The following DRG1 variants were observed in gnomAD, a reference collection of about 807,000 sequenced individuals.
The protein encoded by DRG1 is developmentally-regulated GTP-binding protein 1.
In DRG1, 19 loss-of-function variants were observed where a neutral mutation model predicts 38.8. The observed-to-expected ratio is 0.49, with a 90% confidence interval of 0.34 to 0.72. The LOEUF is 0.72. DRG1 is among the 30% of genes least tolerant of loss of function. The pLI is 0.01. For synonymous variants in DRG1, 167 were observed against 157.5 expected, an observed-to-expected ratio of 1.06 and a Z score of -0.45; for missense variants, 299 against 444.8, an observed-to-expected ratio of 0.67 and a Z score of 2.95.
intron 6 of DRG1, among the ~76,000 whole-genome samples, chr22:31,425,205 TTTACA>T (rs2050103179): frequency 3.3e-5 from 5 of 152,266 alleles, no homozygotes; most frequent in Admixed American, 6.5e-5. Flanking sequence ...GTTTTTTTCT[TTTACA>T]GCCTCTTCCT....
intron 4 of DRG1, among the ~76,000 whole-genome samples, chr22:31,412,977 T>C (rs1174492737): frequency 6.6e-6 from 1 of 152,102 alleles, no homozygotes; most frequent in African/African-American, 2.4e-5. Context: ...TGATGACTCA[T>C]ATCTTTCATT....
At chr22:31,426,831 G>A (rs756411825) in intron 7 of DRG1, 49 bp downstream of exon 7, 3 of 1,574,032 alleles carry the variant, frequency 1.9e-6, no homozygotes, top group Non-Finnish European at 1.7e-6. Context: ...TAACCAGACT[G>A]TCCTAAAATG....
chr22:31,406,617 G>C lies in DRG1; in HGVS notation c.342+3413G>C, dbSNP rs2049991266. On this transcript the variant is annotated intron_variant, in intron 3 of 8. Transcript: ENST00000331457. ...TTGAACCTGGGAGGCAGATGTTGCA[G>C]TGAGCCGAGATCGTGTTACTGCACT... Among the ~76,000 whole-genome samples the C allele has an allele frequency of 2.0e-5, 3 of 151,644 alleles. No homozygotes were observed. In the South Asian group the frequency reaches 6.2e-4, roughly 31 times the overall value.
At chr22:31,417,679 C>CA (rs1346411332) in intron 4 of DRG1, among the ~76,000 whole-genome samples, 7 of 150,132 alleles carry the variant, frequency 4.7e-5, no homozygotes, top group Non-Finnish European at 7.4e-5. Context: ...GACTCCATCT[C>CA]AAAAAAATAA....
At chr22:31,400,875 G>C in intron 2 of DRG1, 132 bp downstream of exon 2, 1 of 1,071,388 alleles carries the variant, frequency 9.3e-7, no homozygotes. Flanking sequence ...CATGCTGGGA[G>C]GCTGAGATAG....
Position 31,415,372 on chromosome 22 carries a change from G to A in DRG1, c.412+4291G>A, listed in dbSNP as rs182110889. Among the ~76,000 whole-genome samples, 6 of 152,226 alleles carry A rather than the reference G, an allele frequency of 3.9e-5. No homozygotes were observed. The East Asian group carries it at 9.7e-4, about 24-fold the overall frequency. ...ACTTTTATTGGATACCACTGCTCTC[G>A]ATATTAATTCCTTGTCATCTTTAGA... On this transcript the variant is annotated intron_variant, in intron 4 of 8. Coordinates refer to ENST00000331457, the MANE Select transcript of DRG1 (RefSeq NM_004147.4).
Position 31,434,204 on chromosome 22 carries a change from A to G in DRG1, c.*233A>G, listed in dbSNP as rs1274742127. 4.1e-6 allele frequency: 2 copies of G among 484,636 alleles called. No individual in the cohort carries two copies. The highest frequency in any genetic ancestry group is 3.8e-5 in the East Asian group (1 of 26,080). 30.0% of individuals were successfully genotyped at this position (484,636 alleles called of 1,614,324 possible). A position where few individuals can be genotyped will look rare whatever the true frequency, so the allele number is the denominator to read the frequency against. ...TACATGCAGCTCATGTGTCATTGTC[A>G]GAATTTGTTTTGGGATGGGCTGAAT... On this transcript the variant is annotated 3_prime_UTR_variant, in exon 9 of 9. Coordinates refer to ENST00000331457, the MANE Select transcript of DRG1 (RefSeq NM_004147.4).
chr22:31,402,551 C>T (rs2049969006), intron 2 of DRG1, among the ~76,000 whole-genome samples: 2 of 148,804 alleles, frequency 1.3e-5, no homozygotes, highest in South Asian at 2.1e-4. Context: ...CTCTGTTGCC[C>T]AGGCTGGAGT....
chr22:31,408,752 CAAAAA>C lies in DRG1; in HGVS notation c.343-2241_343-2237del, dbSNP rs66474618. Among the ~76,000 whole-genome samples, 180 of 111,410 alleles carry C rather than the reference CAAAAA, an allele frequency of 1.6e-3. 1 individual carries two copies. The highest frequency in any genetic ancestry group is 2.0e-3 in the Non-Finnish European group (114 of 57,154). 73.1% of individuals were successfully genotyped at this position (111,410 alleles called of 152,430 possible). On this transcript the variant is annotated intron_variant, in intron 3 of 8. Transcript: ENST00000331457. ...TGGGCGATAGAGCGAGACTCATTCT[CAAAAA>C]AAAAAAAAAAAAAAAAAAGATATTT...
At chr22:31,413,942 A>G (rs996482646) in intron 4 of DRG1, among the ~76,000 whole-genome samples, 1 of 151,996 alleles carries the variant, frequency 6.6e-6, no homozygotes, top group African/African-American at 2.4e-5. Context: ...ACAAGAACAC[A>G]TATGACTTCC....
chr22:31,434,048 C>T lies in DRG1; in HGVS notation c.*77C>T, dbSNP rs1054039. The T allele has an allele frequency of 3.6e-6, 5 of 1,400,156 alleles. No individual in the cohort carries two copies. Among genetic ancestry groups the T allele is most frequent in the Non-Finnish European group, 5.0e-6 (5 of 1,005,654 alleles). The allele number at this position is 1,400,156 out of a possible 1,614,324, so 86.7% of individuals were successfully genotyped here. On this transcript the variant is annotated 3_prime_UTR_variant, in exon 9 of 9. Coordinates refer to ENST00000331457, the MANE Select transcript of DRG1 (RefSeq NM_004147.4). ...ATCAAGCACCCTACCCCAGTTCTTT[C>T]TGGTTTTGGCAGTCACTGGATCAGG... is the stretch of plus-strand genomic sequence containing the variant.
chr22:31,405,835 C>A (rs2049987084), intron 3 of DRG1, among the ~76,000 whole-genome samples: 1 of 151,224 alleles, frequency 6.6e-6, no homozygotes, highest in Non-Finnish European at 1.5e-5. Flanking sequence ...ATTACAGGTG[C>A]CCACCACTAT....
intron 4 of DRG1, among the ~76,000 whole-genome samples, chr22:31,413,776 G>C (rs1304136780): frequency 6.6e-6 from 1 of 151,822 alleles, no homozygotes; most frequent in Non-Finnish European, 1.5e-5. Flanking sequence ...ACCACGCCTG[G>C]CTAAGTTTTG....
intron 4 of DRG1, among the ~76,000 whole-genome samples, chr22:31,416,475 C>T (rs1407965556): frequency 6.6e-6 from 1 of 152,066 alleles, no homozygotes; most frequent in African/African-American, 2.4e-5. Context: ...ACTGGCCGTC[C>T]GGGTGTGGTG....
chr22:31,406,954 A>G (rs1444492850), intron 3 of DRG1, among the ~76,000 whole-genome samples: 3 of 152,082 alleles, frequency 2.0e-5, no homozygotes, highest in Non-Finnish European at 4.4e-5. Context: ...TCTCTGTCTT[A>G]TCTTTTGTGA....
At chr22:31,430,092 C>T (rs2050130908) in intron 8 of DRG1, among the ~76,000 whole-genome samples, 1 of 152,132 alleles carries the variant, frequency 6.6e-6, no homozygotes, top group South Asian at 2.1e-4. Context: ...CTTAGATGTT[C>T]CCAAATGACA....
intron 4 of DRG1, among the ~76,000 whole-genome samples, chr22:31,417,264 G>A (rs939096407): frequency 1.1e-4 from 17 of 151,078 alleles, no homozygotes; most frequent in Non-Finnish European, 2.4e-4. Context: ...CAAGCTGCTC[G>A]GGAGGCTGAG....
intron 4 of DRG1, among the ~76,000 whole-genome samples, chr22:31,418,753 CT>C (rs1400603153): frequency 6.6e-6 from 1 of 152,132 alleles, no homozygotes; most frequent in African/African-American, 2.4e-5. Flanking sequence ...GCAATCTCAG[CT>C]CACTGCAATC....
intron 4 of DRG1, among the ~76,000 whole-genome samples, 200 bp downstream of exon 4, chr22:31,411,281 C>T (rs1481072287): frequency 6.6e-6 from 1 of 152,148 alleles, no homozygotes; most frequent in African/African-American, 2.4e-5. Flanking sequence ...AACATTGTAG[C>T]TCCTAGGCAT....
Sources: gnomAD v4.1 joint callset for allele counts (sites outside exome capture counted in the v4.1 genomes callset) on GRCh38, gnomAD v4.1.1 for gene constraint, MANE v1.5 for transcripts, NCBI Gene and HGNC (gene_info 2026-07-23, HGNC 2026-07-21) for gene names.